Variants in HS3ST3A1 observed in about 807,000 individuals in gnomAD.
HS3ST3A1 encodes heparan sulfate-glucosamine 3-sulfotransferase 3A1.
Under a neutral mutation model 25.7 loss-of-function variants are expected in HS3ST3A1, and 19 were observed. The ratio of observed to expected loss-of-function variants is 0.74; its 90% CI spans 0.52 to 1.08. The LOEUF is 1.08. HS3ST3A1 is among the 50% of genes least tolerant of loss of function. HS3ST3A1 has a pLI of 0.00. For missense variants in HS3ST3A1, 459 were observed against 594.3 expected, an observed-to-expected ratio of 0.77 and a Z score of 2.37; for synonymous variants, 226 against 278.6, an observed-to-expected ratio of 0.81 and a Z score of 1.88.
chr17:13,529,081 G>A (rs865896549), intron 1 of HS3ST3A1, among the ~76,000 whole-genome samples: 1 of 152,134 alleles, frequency 6.6e-6, no homozygotes, highest in Admixed American at 6.5e-5. Flanking sequence ...GCTGTACAAA[G>A]CAATAAAATA....
At chr17:13,524,043 C>T (rs1269357104) in intron 1 of HS3ST3A1, among the ~76,000 whole-genome samples, 3 of 152,072 alleles carry the variant, frequency 2.0e-5, no homozygotes, top group Non-Finnish European at 2.9e-5. Context: ...TGGTCTTTAG[C>T]TGCATGTTTG....
chr17:13,600,448 G>A, intron 1 of HS3ST3A1, 83 bp downstream of exon 1: 2 of 1,441,556 alleles, frequency 1.4e-6, no homozygotes, highest in South Asian at 1.4e-5. Flanking sequence ...GGGCGAACTG[G>A]GGGTCACCGA....
At chr17:13,590,275 G>A (rs1908387679) in intron 1 of HS3ST3A1, among the ~76,000 whole-genome samples, 2 of 149,402 alleles carry the variant, frequency 1.3e-5, no homozygotes, top group Admixed American at 1.3e-4. Flanking sequence ...AAGATGAATT[G>A]ACCATTGATT....
chr17:13,500,610 G>C (rs1301665191), intron 1 of HS3ST3A1, among the ~76,000 whole-genome samples: 1 of 152,206 alleles, frequency 6.6e-6, no homozygotes, highest in Non-Finnish European at 1.5e-5. Flanking sequence ...AAGCTAAGTA[G>C]TGTAGACCAT....
At chr17:13,530,792 T>C (rs572390737) in intron 1 of HS3ST3A1, among the ~76,000 whole-genome samples, 2 of 152,282 alleles carry the variant, frequency 1.3e-5, no homozygotes, top group South Asian at 4.1e-4. Flanking sequence ...TTTCTGTATG[T>C]GGCTTTTCAT....
At chr17:13,517,151 A>T (rs768453028) in intron 1 of HS3ST3A1, among the ~76,000 whole-genome samples, 3 of 152,240 alleles carry the variant, frequency 2.0e-5, no homozygotes, top group South Asian at 2.1e-4. Flanking sequence ...TCAATTAGGC[A>T]CATTCATATT....
chr17:13,516,096 G>A (rs1002318585), intron 1 of HS3ST3A1, among the ~76,000 whole-genome samples: 7 of 152,092 alleles, frequency 4.6e-5, no homozygotes, highest in Non-Finnish European at 8.8e-5. Flanking sequence ...GAATCACGAG[G>A]TCAGGAGTTT....
intron 1 of HS3ST3A1, among the ~76,000 whole-genome samples, chr17:13,542,839 CCA>C (rs1282174127): frequency 6.6e-6 from 1 of 152,138 alleles, no homozygotes; most frequent in Non-Finnish European, 1.5e-5. Context: ...CCCACTACCA[CCA>C]CACACACACC....
intron 1 of HS3ST3A1, among the ~76,000 whole-genome samples, chr17:13,500,104 T>A (rs1905418838): frequency 6.6e-6 from 1 of 152,244 alleles, no homozygotes; most frequent in Non-Finnish European, 1.5e-5. Context: ...TAAATTTTTT[T>A]CATACATTTT....
At chr17:13,537,441 T>C (rs1235958300) in intron 1 of HS3ST3A1, among the ~76,000 whole-genome samples, 1 of 152,176 alleles carries the variant, frequency 6.6e-6, no homozygotes, top group East Asian at 1.9e-4. Flanking sequence ...TCTTCCAGGC[T>C]CCGGGGGCCG....
intron 1 of HS3ST3A1, among the ~76,000 whole-genome samples, chr17:13,547,107 G>C (rs1341623001): frequency 1.3e-5 from 2 of 152,066 alleles, no homozygotes; most frequent in Non-Finnish European, 2.9e-5. Context: ...CTTACACAGA[G>C]ACCCATCCAT....
chr17:13,581,481 AAAC>A (rs1392668635), intron 1 of HS3ST3A1, among the ~76,000 whole-genome samples: 3 of 151,874 alleles, frequency 2.0e-5, no homozygotes, highest in South Asian at 4.1e-4. Context: ...AAAAAAAAAA[AAAC>A]GTAGAAACTT....
At chr17:13,498,190 C>G (rs868359202) in intron 1 of HS3ST3A1, among the ~76,000 whole-genome samples, 6 of 152,254 alleles carry the variant, frequency 3.9e-5, no homozygotes, top group African/African-American at 1.2e-4. Context: ...ATAAGTATTC[C>G]TGCTCCCATC....
intron 1 of HS3ST3A1, among the ~76,000 whole-genome samples, chr17:13,598,514 A>C (rs1908640207): frequency 6.6e-6 from 1 of 152,224 alleles, no homozygotes; most frequent in South Asian, 2.1e-4. Context: ...AAATTCAGCA[A>C]ACCGTGAAGT....
intron 1 of HS3ST3A1, among the ~76,000 whole-genome samples, chr17:13,525,205 T>C (rs1445260324): frequency 6.6e-6 from 1 of 152,218 alleles, no homozygotes; most frequent in Non-Finnish European, 1.5e-5. Context: ...CAGATTCTTA[T>C]TCCTCCTATT....
At chr17:13,512,305 CAAAAAAA>C (rs67523378) in intron 1 of HS3ST3A1, among the ~76,000 whole-genome samples, 1 of 82,116 alleles carries the variant, frequency 1.2e-5, no homozygotes. Flanking sequence ...GACTCCGTCT[CAAAAAAA>C]AAAAAAAAAA....
rs78430683 is a variant in HS3ST3A1 at position 13,566,929 on chromosome 17, T to A, written c.599+33602A>T. ...AAGTTGCAAAAAGTTATCCAGAATA[T>A]CTACATAAAATTATTGATGAAGGTG... On this transcript the variant is annotated intron_variant, in intron 1 of 1. Coordinates refer to ENST00000284110, the MANE Select transcript of HS3ST3A1 (RefSeq NM_006042.3). Among the ~76,000 whole-genome samples the A allele has an allele frequency of 5.1e-4, 77 of 152,262 alleles. 2 individuals are homozygous for A. The East Asian group carries it at 0.011, about 21-fold the overall frequency.
rs2142403625 is a variant in HS3ST3A1 at position 13,600,846 on chromosome 17, T to C, written c.284A>G (p.Gln95Arg). 2 of 1,432,764 alleles carry C rather than the reference T, an allele frequency of 1.4e-6. No individual in the cohort carries two copies. The highest frequency in any genetic ancestry group is 1.5e-5 in the South Asian group (1 of 67,300). The allele number at this position is 1,432,764 out of a possible 1,614,324, so 88.8% of individuals were successfully genotyped here. Residue 95 changes from glutamine to arginine, a missense_variant, in exon 1 of 2, where the codon CAG becomes CGG. Gln to Arg is a conservative substitution (Grantham distance 43). Around this residue, in one of 3 missense-constraint regions of HS3ST3A1, gnomAD observed 346 missense variants for 303.9 expected, o/e 1.14. Coordinates refer to ENST00000284110, the MANE Select transcript of HS3ST3A1 (RefSeq NM_006042.3). Reference sequence around the variant, plus strand: ...CGCGGGCGGCCGGCGCCTCCGCCACTGCGGCAGTTGCAGGAGGCGCTTTCT... The same window carrying C: ...CGCGGGCGGCCGGCGCCTCCGCCACCGCGGCAGTTGCAGGAGGCGCTTTCT... Reference protein sequence around the residue: ...AQRKRLLQLPQWRRRRPPAPR... With the variant: ...AQRKRLLQLPRWRRRRPPAPR...
At chr17:13,555,778 C>A (rs1339960357) in intron 1 of HS3ST3A1, among the ~76,000 whole-genome samples, 5 of 152,186 alleles carry the variant, frequency 3.3e-5, no homozygotes, top group Admixed American at 3.3e-4. Context: ...GAAGCTCCAG[C>A]AGCACCTCAA....
Sources: allele counts gnomAD v4.1 joint callset (sites outside exome capture counted in the v4.1 genomes callset), GRCh38; gene constraint gnomAD v4.1.1; regional missense constraint gnomAD v4.1.1; transcripts MANE v1.5; gene names NCBI Gene and HGNC (gene_info 2026-07-23, HGNC 2026-07-21).